The following TAFA4 variants were observed in gnomAD, a reference collection of about 807,000 sequenced individuals.
The protein encoded by TAFA4 is chemokine-like protein TAFA-4.
In TAFA4, 20 loss-of-function variants were observed where a neutral mutation model predicts 21.1. That is an observed-to-expected ratio of 0.95 (90% CI 0.67 to 1.38). The LOEUF (loss-of-function observed/expected upper bound fraction) is 1.38. TAFA4 is among the 40% of genes most tolerant of loss of function. The pLI is 0.00. For synonymous variants in TAFA4, 71 were observed against 67.4 expected, an observed-to-expected ratio of 1.05 and a Z score of -0.26; for missense variants, 211 against 180.9, an observed-to-expected ratio of 1.17 and a Z score of -0.95.
intron 3 of TAFA4, among the ~76,000 whole-genome samples, chr3:68,811,778 A>C (rs1212142811): frequency 6.6e-6 from 1 of 152,248 alleles, no homozygotes; most frequent in African/African-American, 2.4e-5. Context: ...GAACTTTCCC[A>C]ATCTACCAAG....
rs555410027 is a variant in TAFA4, at chr3:68,904,879, A to G, written c.-122-19569T>C. Among the ~76,000 whole-genome samples the G allele has an allele frequency of 1.5e-4, 23 of 152,306 alleles. 1 individual carries two copies. In the South Asian group the frequency reaches 4.6e-3, roughly 30 times the overall value. ...GGGAATGCCCAGTGAGGAAGGTGGC[A>G]AGAGAATTGGTGAATGCTAGGGATG... On this transcript the variant is annotated intron_variant, in intron 1 of 5. Coordinates refer to ENST00000295569, the MANE Select transcript of TAFA4 (RefSeq NM_182522.5).
At chr3:68,768,345 T>C (rs1702893995) in intron 3 of TAFA4, among the ~76,000 whole-genome samples, 1 of 152,084 alleles carries the variant, frequency 6.6e-6, no homozygotes, top group African/African-American at 2.4e-5. Context: ...CCAACAGGTA[T>C]ATGAAAAAAT....
chr3:68,900,081 CA>C (rs3048091), intron 1 of TAFA4, among the ~76,000 whole-genome samples: 28,496 of 137,096 alleles, frequency 0.21, 3,126 homozygotes, highest in African/African-American at 0.31. Flanking sequence ...TCTACACACA[CA>C]AAAAAAAAAA....
chr3:68,803,893 C>T (rs1703629472), intron 3 of TAFA4, among the ~76,000 whole-genome samples: 1 of 145,982 alleles, frequency 6.9e-6, no homozygotes, highest in South Asian at 2.2e-4. Context: ...CAACCTCCAC[C>T]TCCCAGGTTC....
rs374501359 is a variant in TAFA4, at chr3:68,733,198, C to A, written c.412-45G>T. The A allele has an allele frequency of 1.9e-6, 3 of 1,598,720 alleles. No homozygotes were observed. The African/African-American group carries it at 4.0e-5, about 22-fold the overall frequency. ...GGGAACATTCAACACTCTATACCCA[C>A]CGAAATAACCATTCCTGCCCCCGAG... On this transcript the variant is annotated intron_variant, in intron 5 of 5. Coordinates refer to ENST00000295569, the MANE Select transcript of TAFA4 (RefSeq NM_182522.5).
At chr3:68,802,528 A>G (rs754259605) in intron 3 of TAFA4, among the ~76,000 whole-genome samples, 2 of 151,964 alleles carry the variant, frequency 1.3e-5, no homozygotes, top group African/African-American at 4.8e-5. Context: ...GATAAATACT[A>G]TAAGAAGTGC....
intron 3 of TAFA4, among the ~76,000 whole-genome samples, chr3:68,810,657 G>A (rs1703814962): frequency 6.6e-6 from 1 of 152,098 alleles, no homozygotes; most frequent in African/African-American, 2.4e-5. Flanking sequence ...GCTTGAGTAG[G>A]TAAACAAAGC....
chr3:68,902,979 C>T (rs1372295795), intron 1 of TAFA4, among the ~76,000 whole-genome samples: 2 of 150,620 alleles, frequency 1.3e-5, no homozygotes, highest in Non-Finnish European at 2.9e-5. Flanking sequence ...AATCAATGGC[C>T]ATTTCTATAA....
intron 3 of TAFA4, among the ~76,000 whole-genome samples, chr3:68,830,898 A>T (rs557933574): frequency 3.2e-4 from 49 of 152,304 alleles, no homozygotes; most frequent in Non-Finnish European, 5.9e-4. Flanking sequence ...TATATTTAGG[A>T]TAGTTAGCTC....
intron 3 of TAFA4, among the ~76,000 whole-genome samples, chr3:68,784,511 G>A (rs74192901): frequency 0.036 from 5,428 of 152,008 alleles, 292 homozygotes; most frequent in East Asian, 0.24. Context: ...CTCTTAAGGC[G>A]GTGCCTCTGG....
chr3:68,877,875 G>GT (rs1360361188), intron 3 of TAFA4, among the ~76,000 whole-genome samples: 7 of 152,128 alleles, frequency 4.6e-5, no homozygotes, highest in African/African-American at 1.7e-4. Context: ...TTTATGGAAT[G>GT]TTTACTATGT....
At chr3:68,915,685 G>C (rs933614596) in intron 1 of TAFA4, among the ~76,000 whole-genome samples, 2 of 152,150 alleles carry the variant, frequency 1.3e-5, no homozygotes. Context: ...AATTAGAACA[G>C]GGAGGTGACT....
In TAFA4 at chr3:68,902,961, G is replaced by C. The variant is rs1392735987; in HGVS notation, c.-122-17651C>G. Among the ~76,000 whole-genome samples the C allele has an allele frequency of 2.6e-5, 4 of 151,844 alleles. No homozygotes were observed. The East Asian group carries it at 7.7e-4, about 29-fold the overall frequency. ...TAATAAGTAATTTCAGACATCATTG[G>C]TTCTCCCAATCAATGGCCATTTCTA... On this transcript the variant is annotated intron_variant, in intron 1 of 5. Transcript: ENST00000295569.
intron 3 of TAFA4, among the ~76,000 whole-genome samples, chr3:68,863,655 C>A (rs2089380036): frequency 6.6e-6 from 1 of 152,118 alleles, no homozygotes; most frequent in Admixed American, 6.6e-5. Context: ...TGCCAGTCTT[C>A]CAGCTTCTGG....
At chr3:68,862,780 AACC>A (rs2089363311) in intron 3 of TAFA4, among the ~76,000 whole-genome samples, 1 of 151,594 alleles carries the variant, frequency 6.6e-6, no homozygotes, top group African/African-American at 2.4e-5. Context: ...GTGCTACTAA[AACC>A]ACCACTAGCC....
At chr3:68,874,345 A>G (rs546518152) in intron 3 of TAFA4, among the ~76,000 whole-genome samples, 2 of 152,294 alleles carry the variant, frequency 1.3e-5, no homozygotes, top group South Asian at 2.1e-4. Flanking sequence ...CATATGGACC[A>G]AAATATTTAA....
At chr3:68,733,679 A>T (rs1044788814) in intron 5 of TAFA4, among the ~76,000 whole-genome samples, 5 of 152,208 alleles carry the variant, frequency 3.3e-5, no homozygotes, top group Admixed American at 3.3e-4. Flanking sequence ...AGAAAATTGA[A>T]CAGCAGTTTC....
At chr3:68,922,387 T>C (rs1559564345) in intron 1 of TAFA4, among the ~76,000 whole-genome samples, 1 of 152,156 alleles carries the variant, frequency 6.6e-6, no homozygotes, top group Non-Finnish European at 1.5e-5. Context: ...TACTGGAATT[T>C]GGGGACCGGT....
chr3:68,798,547 T>A (rs977775131), intron 3 of TAFA4, among the ~76,000 whole-genome samples: 3 of 152,238 alleles, frequency 2.0e-5, no homozygotes, highest in African/African-American at 7.2e-5. Flanking sequence ...GTTGAACATT[T>A]AGTTGCATTC....
Sources: gnomAD v4.1 joint callset for allele counts (sites outside exome capture counted in the v4.1 genomes callset) on GRCh38, gnomAD v4.1.1 for gene constraint, MANE v1.5 for transcripts, NCBI Gene and HGNC (gene_info 2026-07-23, HGNC 2026-07-21) for gene names.